Variants in PLEKHH2 observed in about 807,000 individuals in gnomAD.
The protein encoded by PLEKHH2 is pleckstrin homology domain-containing family H member 2.
Under a neutral mutation model 187.9 loss-of-function variants are expected in PLEKHH2, and 129 were observed. The ratio of observed to expected loss-of-function variants is 0.69; its 90% CI spans 0.59 to 0.79. The LOEUF (loss-of-function observed/expected upper bound fraction) is 0.79, where lower values mean the gene tolerates loss of function less well. Ranked by LOEUF, PLEKHH2 falls within the 30% of genes least tolerant of loss-of-function variation. The pLI is 0.00. For missense variants in PLEKHH2, 2,076 were observed against 1,751.2 expected (o/e 1.19, Z -3.31); for synonymous variants, 686 against 605.6 (o/e 1.13, Z -1.95).
intron 24 of PLEKHH2, among the ~76,000 whole-genome samples, chr2:43,748,670 C>G (rs1291976034): frequency 6.6e-6 from 1 of 152,326 alleles, no homozygotes; most frequent in African/African-American, 2.4e-5. Flanking sequence ...CTCATTGCTG[C>G]CCCTGCCTCT....
rs113921809 is a variant in PLEKHH2, at chr2:43,705,401, G to A, written c.1727-921G>A. Among the ~76,000 whole-genome samples the A allele has an allele frequency of 1.1e-3, 171 of 151,966 alleles. 1 individual carries two copies. The highest frequency in any genetic ancestry group is 3.9e-3 in the African/African-American group (161 of 41,448). ...CTCCTGATTAGTTAGGATGACAGGT[G>A]CATACCACCATGCCTTGATACTTTT... is the stretch of plus-strand genomic sequence containing the variant. On this transcript the variant is annotated intron_variant, in intron 9 of 29. Transcript: ENST00000282406.
intron 2 of PLEKHH2, among the ~76,000 whole-genome samples, chr2:43,654,233 T>C (rs183112184): frequency 6.1e-4 from 93 of 152,308 alleles, no homozygotes; most frequent in African/African-American, 2.1e-3. Flanking sequence ...TCTTGCTCTG[T>C]TGCCAGGCTG....
intron 9 of PLEKHH2, 124 bp downstream of exon 9, chr2:43,704,180 G>T (rs1207216157): frequency 9.2e-6 from 6 of 650,306 alleles, no homozygotes; most frequent in Non-Finnish European, 1.5e-5. Flanking sequence ...CCTAAAGGAG[G>T]TGTTTAAAGG....
chr2:43,754,871 T>TA (rs1194371226), intron 25 of PLEKHH2, among the ~76,000 whole-genome samples: 3 of 123,466 alleles, frequency 2.4e-5, no homozygotes, highest in African/African-American at 6.1e-5. Context: ...AAAATCAACT[T>TA]TTTTTTTTTT....
chr2:43,669,675 T>A (rs952798140), intron 2 of PLEKHH2, among the ~76,000 whole-genome samples: 3 of 151,814 alleles, frequency 2.0e-5, no homozygotes, highest in Admixed American at 6.6e-5. Context: ...CAACACATAA[T>A]GCTTTAATGA....
Position 43,707,504 on chromosome 2 carries a change from G to A in PLEKHH2, c.1925G>A (p.Arg642His), listed in dbSNP as rs1351801778. 6 of 1,614,056 alleles carry A rather than the reference G, an allele frequency of 3.7e-6. No individual in the cohort carries two copies. The African/African-American group carries it at 4.0e-5, about 11-fold the overall frequency. The change falls in exon 11 of 30, where the codon CGC (arginine) becomes CAC (histidine). Residue 642 changes from arginine to histidine, a missense_variant. Physicochemically the swap from Arg to His is conservative, Grantham distance 29. Transcript: ENST00000282406. ...SSSRTSESDS[R>H]SRSGPGSPRA... ...TCCCGGACGTCAGAGTCAGACTCAC[G>A]CAGTAGGAGTGGGCCAGGCAGCCCC... is the stretch of plus-strand genomic sequence containing the variant.
At position 43,676,186 on chromosome 2, in the gene PLEKHH2, C is replaced by G. The variant is rs376793753; in HGVS notation, c.124-2677C>G. 1.8e-4 allele frequency: 286 copies of G among 1,613,812 alleles called. No homozygotes were observed. Among genetic ancestry groups the G allele is most frequent in the Non-Finnish European group, 2.4e-4 (279 of 1,179,876 alleles). ...TAAGAAATCGTTCCTGTTAGGTGGA[C>G]GAAGGTGATGGTGCTCGTGGTCTTG... On this transcript the variant is annotated intron_variant, in intron 2 of 29. Transcript: ENST00000282406.
At chr2:43,720,946 C>T (rs1264922060) in intron 16 of PLEKHH2, among the ~76,000 whole-genome samples, 197 bp downstream of exon 16, 1 of 152,162 alleles carries the variant, frequency 6.6e-6, no homozygotes, top group African/African-American at 2.4e-5. Context: ...TTCTTAATTA[C>T]AAGCCTTAGC....
chr2:43,647,040 A>T (rs1448696989), intron 2 of PLEKHH2, among the ~76,000 whole-genome samples: 6 of 151,938 alleles, frequency 3.9e-5, no homozygotes, highest in Non-Finnish European at 8.8e-5. Flanking sequence ...AGGTTTAAAA[A>T]TTTCTTTTGG....
chr2:43,655,710 G>T (rs1666720918), intron 2 of PLEKHH2, among the ~76,000 whole-genome samples: 1 of 152,126 alleles, frequency 6.6e-6, no homozygotes, highest in African/African-American at 2.4e-5. Context: ...TGTGGGGATG[G>T]GTTGGAAATC....
intron 2 of PLEKHH2, among the ~76,000 whole-genome samples, chr2:43,666,313 T>A (rs1667206348): frequency 6.6e-6 from 1 of 151,396 alleles, no homozygotes; most frequent in Admixed American, 6.6e-5. Context: ...GGTAAGGCAA[T>A]GCCTCGCCCT....
At chr2:43,647,390 C>T (rs1489213086) in intron 2 of PLEKHH2, among the ~76,000 whole-genome samples, 2 of 152,168 alleles carry the variant, frequency 1.3e-5, no homozygotes, top group East Asian at 3.9e-4. Context: ...AGATTCAAAC[C>T]CAGGCATTCT....
intron 4 of PLEKHH2, among the ~76,000 whole-genome samples, chr2:43,694,068 A>G (rs867488396): frequency 3.8e-4 from 58 of 152,124 alleles, no homozygotes; most frequent in African/African-American, 1.3e-3. Context: ...GGGGAAAAAA[A>G]AAGCCATGCC....
chr2:43,709,899 GAAT>G, intron 11 of PLEKHH2, 88 bp from the exon 12 acceptor site: 1 of 1,267,714 alleles, frequency 7.9e-7, no homozygotes, highest in Admixed American at 2.4e-5. Context: ...TATGATTTAG[GAAT>G]AATTGCATTC....
intron 25 of PLEKHH2, among the ~76,000 whole-genome samples, chr2:43,756,331 T>C (rs1481337598): frequency 6.6e-6 from 1 of 152,182 alleles, no homozygotes; most frequent in African/African-American, 2.4e-5. Flanking sequence ...AGTCTTGCTC[T>C]GTCACCCAGG....
intron 11 of PLEKHH2, among the ~76,000 whole-genome samples, chr2:43,707,928 T>G (rs1669742898): frequency 6.6e-6 from 1 of 152,242 alleles, no homozygotes; most frequent in Non-Finnish European, 1.5e-5. Flanking sequence ...ATTAATCTGA[T>G]GTTAAAGTGG....
chr2:43,744,185 T>A, intron 23 of PLEKHH2, 196 bp downstream of exon 23: 1 of 1,184,212 alleles, frequency 8.4e-7, no homozygotes, highest in Non-Finnish European at 1.1e-6. Flanking sequence ...TCTCTACATA[T>A]ACACATTCCA....
At chr2:43,710,393 T>TTATAGTTTGA in intron 13 of PLEKHH2, 63 bp downstream of exon 13, 1 of 1,588,240 alleles carries the variant, frequency 6.3e-7, no homozygotes, top group Non-Finnish European at 8.6e-7. Flanking sequence ...GACGCCTGAT[T>TTATAGTTTGA]GATTTCCTTC....
At chr2:43,706,643 A>T (rs1352514982) in intron 10 of PLEKHH2, among the ~76,000 whole-genome samples, 1 of 152,196 alleles carries the variant, frequency 6.6e-6, no homozygotes, top group Non-Finnish European at 1.5e-5. Flanking sequence ...ACTGTGTCCC[A>T]TGTGATTCCC....
Sources: gnomAD v4.1 joint callset for allele counts (sites outside exome capture counted in the v4.1 genomes callset) on GRCh38, gnomAD v4.1.1 for gene constraint, MANE v1.5 for transcripts, NCBI Gene and HGNC (gene_info 2026-07-23, HGNC 2026-07-21) for gene names.